The following PTBP1 variants were observed in gnomAD, a reference collection of about 807,000 sequenced individuals.
PTBP1 encodes the protein polypyrimidine tract binding protein 1.
PTBP1 carries 8 observed loss-of-function variants against 59.8 expected under a neutral mutation model. The observed-to-expected ratio is 0.13, with a 90% CI of 0.08 to 0.24. PTBP1 has a LOEUF of 0.24. Among genes scored for constraint, PTBP1 ranks in the 10% least tolerant of loss-of-function variants. The probability of loss-of-function intolerance (pLI) is 1.00; values close to 1 mark genes in which losing one functional copy is unlikely to be tolerated. For missense variants in PTBP1, 686 were observed against 767.0 expected (o/e 0.89, Z 1.25); for synonymous variants, 490 against 320.7 (o/e 1.53, Z -5.64).
intron 2 of PTBP1, 141 bp from the exon 3 acceptor site, chr19:803,420 C>T: frequency 1.4e-6 from 1 of 695,898 alleles, no homozygotes; most frequent in South Asian, 1.7e-5. Context: ...CTCAGGCTGC[C>T]CTGCCGTGGA....
At chr19:803,308 C>G (rs1022929059) in intron 2 of PTBP1, among the ~76,000 whole-genome samples, 1 of 152,216 alleles carries the variant, frequency 6.6e-6, no homozygotes, top group Non-Finnish European at 1.5e-5. Context: ...CTCCCAGCCC[C>G]ACACTGGCTG....
Position 806,414 on chromosome 19 carries a change from C to G in PTBP1, c.977C>G (p.Ser326Cys). 6.2e-7 allele frequency: 1 copy of G among 1,602,206 alleles called. No homozygotes were observed. The highest frequency in any genetic ancestry group is 8.5e-7 in the Non-Finnish European group (1 of 1,174,882). Residue 326 changes from serine to cysteine, a missense_variant, in exon 10 of 15, where the codon TCC (serine) becomes TGC (cysteine). Ser to Cys is a moderately radical substitution (Grantham distance 112). Transcript: ENST00000356948. ...TCACCTCCTGCTTTTCCAGGCCTTT[C>G]CGTTCCGAACGTCCACGGCGCCCTG... ...TFAIPQAAGL[S>C]VPNVHGALAP...
At position 808,570 on chromosome 19, in the gene PTBP1, A is replaced by G. The variant is rs750381986; in HGVS notation, c.1271A>G (p.Lys424Arg). The change falls in exon 13 of 15, where the codon AAG becomes AGG. Residue 424 changes from lysine (K) to arginine (R), a missense_variant. By Grantham distance (26) the Lys-to-Arg change is conservative. Coordinates refer to ENST00000356948, the MANE Select transcript of PTBP1 (RefSeq NM_002819.5). The surrounding 1 kb of genome is among the most constrained non-coding windows in gnomAD (Gnocchi z 4.7). The stretch of plus-strand genomic sequence containing the variant: ...GCCATGAGCCACCTGAACGGGCACA[A>G]GCTGCACGGGAAGCCCATCCGCATC... ...QLAMSHLNGH[K>R]LHGKPIRITL... The G allele has an allele frequency of 3.1e-6, 5 of 1,600,150 alleles. No homozygotes were observed. The highest frequency in any genetic ancestry group is 1.7e-5 in the Admixed American group (1 of 58,536).
chr19:804,783 T>A, intron 6 of PTBP1, 46 bp from the exon 7 acceptor site: 1 of 1,608,856 alleles, frequency 6.2e-7, no homozygotes, highest in South Asian at 1.1e-5. Flanking sequence ...CTGGCAGGGC[T>A]GGTGGGCACC....
At position 806,475 on chromosome 19, in the gene PTBP1, T is replaced by G; in HGVS notation, c.1038T>G (p.Ala346=). 7 of 1,591,658 alleles carry G rather than the reference T, an allele frequency of 4.4e-6. No individual in the cohort carries two copies. Among genetic ancestry groups the G allele is most frequent in the Non-Finnish European group, 5.1e-6 (6 of 1,170,294 alleles). ...CCATCCCCTCGGCGGCGGCGGCAGC[T>G]GCGGCGGCAGGTCGGATCGCCATCC... The part of the protein sequence containing the change: ...PLAIPSAAAA[A]AAAGRIAIPG... The change falls in exon 10 of 15, where the codon GCT becomes GCG. Residue 346 remains alanine (A), a synonymous_variant. Transcript: ENST00000356948.
At chr19:799,246 C>G in intron 1 of PTBP1, 167 bp from the exon 2 acceptor site, 1 of 759,408 alleles carries the variant, frequency 1.3e-6, no homozygotes, top group Non-Finnish European at 2.4e-6. Context: ...CGGCTCACTT[C>G]CCTGCCCTTC....
intron 2 of PTBP1, among the ~76,000 whole-genome samples, chr19:803,329 G>A (rs1329783119): frequency 6.6e-6 from 1 of 152,232 alleles, no homozygotes; most frequent in African/African-American, 2.4e-5. Flanking sequence ...AGTACCCAGG[G>A]CTTCCAGAAT....
chr19:804,936 G>A lies in PTBP1; in HGVS notation c.714G>A (p.Lys238=), dbSNP rs1297274996. The change falls in exon 7 of 15, where the codon AAG becomes AAA. Residue 238 remains lysine (K), a synonymous_variant. Coordinates refer to ENST00000356948, the MANE Select transcript of PTBP1 (RefSeq NM_002819.5). ...YADPVSAQHA[K]LSLDGQNIYN... ...ACCCCGTGAGCGCCCAGCACGCCAA[G>A]CTGGTGAGTGGGGCTCCCGGGACGG... The A allele has an allele frequency of 3.1e-6, 5 of 1,613,696 alleles. No homozygotes were observed. The highest frequency in any genetic ancestry group is 4.2e-6 in the Non-Finnish European group (5 of 1,179,788).
intron 1 of PTBP1, among the ~76,000 whole-genome samples, chr19:797,922 C>T (rs1437431674): frequency 6.7e-6 from 1 of 148,806 alleles, no homozygotes; most frequent in African/African-American, 2.4e-5. Flanking sequence ...TCGCGCGTCC[C>T]CGTTGGCCCC....
intron 13 of PTBP1, among the ~76,000 whole-genome samples, chr19:809,214 G>T (rs1209790720): frequency 2.5e-4 from 38 of 151,530 alleles, no homozygotes; most frequent in Admixed American, 2.4e-3. Flanking sequence ...TCACCATATT[G>T]GCCAGGCTGA....
In PTBP1 at chr19:804,924, C is replaced by G. The variant is rs1489840946; in HGVS notation, c.702C>G (p.Ala234=). The G allele has an allele frequency of 1.2e-6, 2 of 1,613,836 alleles. No homozygotes were observed. The highest frequency in any genetic ancestry group is 1.7e-6 in the Non-Finnish European group (2 of 1,179,846). Reference sequence around the variant, plus strand: ...TGCAGTATGCGGACCCCGTGAGCGCCCAGCACGCCAAGCTGGTGAGTGGGG... The same window carrying G: ...TGCAGTATGCGGACCCCGTGAGCGCGCAGCACGCCAAGCTGGTGAGTGGGG... ...ALLQYADPVS[A]QHAKLSLDGQ... is the part of the protein sequence containing the mutation. The change falls in exon 7 of 15, where the codon GCC becomes GCG. Residue 234 remains alanine, a synonymous_variant. Transcript: ENST00000356948.
At position 804,859 on chromosome 19, in the gene PTBP1, A is replaced by G. The variant is rs139401694; in HGVS notation, c.637A>G (p.Ile213Val). The G allele has an allele frequency of 1.1e-5, 18 of 1,613,888 alleles. No individual in the cohort carries two copies. Among genetic ancestry groups the G allele is most frequent in the Non-Finnish European group, 1.4e-5 (17 of 1,179,852 alleles). The change falls in exon 7 of 15, where the codon ATC becomes GTC. Residue 213 changes from isoleucine to valine, a missense_variant. Coordinates refer to ENST00000356948, the MANE Select transcript of PTBP1 (RefSeq NM_002819.5). Reference sequence around the variant, plus strand: ...CTCCAAGTTCGGCACAGTGTTGAAGATCATCACCTTCACCAAGAACAACCA... The same window carrying G: ...CTCCAAGTTCGGCACAGTGTTGAAGGTCATCACCTTCACCAAGAACAACCA... ...IFSKFGTVLK[I>V]ITFTKNNQFQ...
rs1022409369 is a variant in PTBP1 at position 808,959 on chromosome 19, A to T, written c.1463+197A>T. ...GGGAGGGGGTCGTTGGACACTTTGG[A>T]GGTTTTGGCTCAGGGGATGCTCCCT... On this transcript the variant is annotated intron_variant, in intron 13 of 14. Transcript: ENST00000356948. This position sits in a 1 kb window ranked among gnomAD's most constrained non-coding sequence, Gnocchi z 4.7. 6.6e-6 allele frequency among the ~76,000 whole-genome samples: 1 copy of T among 151,978 alleles called. No homozygotes were observed. The highest frequency in any genetic ancestry group is 1.5e-5 in the Non-Finnish European group (1 of 68,010).
chr19:806,376 G>A (rs373054326), intron 9 of PTBP1, 32 bp from the exon 10 acceptor site: 10 of 1,573,928 alleles, frequency 6.4e-6, no homozygotes, highest in African/African-American at 1.4e-5. Flanking sequence ...AGTCGGGGGC[G>A]CCGCCGCTCA....
rs1272363702 is a variant in PTBP1, at chr19:804,567, C to G, written c.471C>G (p.Val157=). Residue 157 remains valine, a synonymous_variant, in exon 6 of 15, where the codon GTC becomes GTG. Transcript: ENST00000356948. ...CGGCCCTGCAGGCGGTGAACTCGGT[C>G]CAGTCGGGGAACCTGGCCTTGGCTG... ...AQAALQAVNS[V]QSGNLALAAS... 3.1e-6 allele frequency: 5 copies of G among 1,608,928 alleles called. No individual in the cohort carries two copies. The highest frequency in any genetic ancestry group is 3.4e-6 in the Non-Finnish European group (4 of 1,178,978).
chr19:805,233 A>G, intron 8 of PTBP1, 46 bp downstream of exon 8: 1 of 1,598,514 alleles, frequency 6.3e-7, no homozygotes, highest in Middle Eastern at 1.8e-4. Flanking sequence ...GTGGTCTATT[A>G]GGGCCGCTCA....
chr19:799,191 G>A (rs1203551841), intron 1 of PTBP1, among the ~76,000 whole-genome samples: 1 of 152,216 alleles, frequency 6.6e-6, no homozygotes, highest in East Asian at 1.9e-4. Flanking sequence ...AGGGAGGGGC[G>A]CCAAAGGACA....
At position 804,816 on chromosome 19, in the gene PTBP1, C is replaced by G; in HGVS notation, c.607-13C>G. ...ACCGGGCAGGAGCTCATGCTGTGGC[C>G]CGGGACCTGCAGATTTTCTCCAAGT... is the stretch of plus-strand genomic sequence containing the variant. On this transcript the variant is annotated splice_polypyrimidine_tract_variant and intron_variant, in intron 6 of 14. Coordinates refer to ENST00000356948, the MANE Select transcript of PTBP1 (RefSeq NM_002819.5). 1 of 1,612,104 alleles carries G rather than the reference C, an allele frequency of 6.2e-7. No individual in the cohort carries two copies. The highest frequency in any genetic ancestry group is 8.5e-7 in the Non-Finnish European group (1 of 1,178,222).
At position 808,821 on chromosome 19, in the gene PTBP1, G is replaced by A. The variant is rs920557555; in HGVS notation, c.1463+59G>A. ...GGGCGGGCAAGGGCTCTGCTTGGCT[G>A]TCCTACCGCGTCGGTGTGTGGACTT... On this transcript the variant is annotated intron_variant, in intron 13 of 14. Coordinates refer to ENST00000356948, the MANE Select transcript of PTBP1 (RefSeq NM_002819.5). This position sits in a 1 kb window ranked among gnomAD's most constrained non-coding sequence, Gnocchi z 4.7. 7 of 1,496,292 alleles carry A rather than the reference G, an allele frequency of 4.7e-6. No homozygotes were observed. The highest frequency in any genetic ancestry group is 3.6e-5 in the South Asian group (3 of 84,160). 92.7% of individuals were successfully genotyped at this position (1,496,292 alleles called of 1,614,324 possible). A position where few individuals can be genotyped will look rare whatever the true frequency, so the allele number is the denominator to read the frequency against.
Sources: gnomAD v4.1 joint callset for allele counts (sites outside exome capture counted in the v4.1 genomes callset) on GRCh38, gnomAD v4.1.1 for gene constraint, Gnocchi (gnomAD v3.1) non-coding constraint, MANE v1.5 for transcripts, NCBI Gene and HGNC (gene_info 2026-07-23, HGNC 2026-07-21) for gene names.